The following ARHGAP29 variants were observed in gnomAD, a reference collection of about 807,000 sequenced individuals.
The protein encoded by ARHGAP29 is rho GTPase-activating protein 29.
ARHGAP29 carries 43 observed loss-of-function variants against 122.6 expected under a neutral mutation model. That is an observed-to-expected ratio of 0.35 (90% CI 0.27 to 0.45). The LOEUF is 0.45. Among genes scored for constraint, ARHGAP29 ranks in the 20% least tolerant of loss-of-function variants. The pLI is 1.00. For missense variants in ARHGAP29, 1,303 were observed against 1,477.2 expected (o/e 0.88, Z 1.93); for synonymous variants, 506 against 497.1 (o/e 1.02, Z -0.24).
At chr1:94,250,331 T>G (rs1234552308) in intron 1 of ARHGAP29, 1 of 152,234 alleles carries the variant, frequency 6.6e-6, no homozygotes, top group East Asian at 1.9e-4. Flanking sequence ...TGCCAGACAT[T>G]GTTCTGAGCA....
At chr1:94,293,736 G>T in the ARHGAP29 span, among the ~76,000 whole-genome samples, 1 of 152,026 alleles carries the variant, frequency 6.6e-6, no homozygotes, top group Admixed American at 6.6e-5. Flanking sequence ...TGCAGGAAAG[G>T]GTGCACAACT....
At chr1:94,181,556 A>G (rs1277983893) in intron 19 of ARHGAP29, among the ~76,000 whole-genome samples, 1 of 152,132 alleles carries the variant, frequency 6.6e-6, no homozygotes, top group African/African-American at 2.4e-5. Flanking sequence ...GTATCAAACT[A>G]CCCCAAGAAC....
chr1:94,279,946 C>T (rs879722033), upstream of ARHGAP29, among the ~76,000 whole-genome samples: 1 of 151,866 alleles, frequency 6.6e-6, no homozygotes, highest in Non-Finnish European at 1.5e-5. Context: ...TGCTAGTGCC[C>T]GCAAGTTGTT....
At chr1:94,225,701 A>G (rs1314844708) in intron 2 of ARHGAP29, among the ~76,000 whole-genome samples, 1 of 152,062 alleles carries the variant, frequency 6.6e-6, no homozygotes, top group Non-Finnish European at 1.5e-5. Context: ...TAATTTAGTC[A>G]TATAACTAAA....
At chr1:94,226,260 C>T (rs1396489251) in intron 2 of ARHGAP29, among the ~76,000 whole-genome samples, 1 of 151,800 alleles carries the variant, frequency 6.6e-6, no homozygotes, top group Non-Finnish European at 1.5e-5. Context: ...AAAAGTGAAG[C>T]CTGAGAAACA....
At chr1:94,221,614 C>T (rs888693289) in intron 2 of ARHGAP29, among the ~76,000 whole-genome samples, 6 of 150,106 alleles carry the variant, frequency 4.0e-5, no homozygotes, top group Non-Finnish European at 8.9e-5. Flanking sequence ...TGTGTATATA[C>T]TTAAATATAT....
At chr1:94,314,262 TC>T in the ARHGAP29 span, among the ~76,000 whole-genome samples, 1 of 152,330 alleles carries the variant, frequency 6.6e-6, no homozygotes, top group African/African-American at 2.4e-5. Context: ...AGAATGAACT[TC>T]CAGGGAGTCA....
At chr1:94,255,309 A>G (rs766958010) in intron 1 of ARHGAP29, among the ~76,000 whole-genome samples, 1 of 152,210 alleles carries the variant, frequency 6.6e-6, no homozygotes, top group Non-Finnish European at 1.5e-5. Context: ...GAGAGTCCTC[A>G]AAAGAAACCA....
At chr1:94,262,727 T>G (rs2100717755) in intron 1 of ARHGAP29, among the ~76,000 whole-genome samples, 1 of 152,256 alleles carries the variant, frequency 6.6e-6, no homozygotes, top group South Asian at 2.1e-4. Context: ...TCAGAATGGC[T>G]ATTACTAAAA....
chr1:94,313,595 A>G, the ARHGAP29 span, among the ~76,000 whole-genome samples: 4 of 152,190 alleles, frequency 2.6e-5, no homozygotes, highest in African/African-American at 9.7e-5. Flanking sequence ...AGAACTAGAA[A>G]TACCATTTGA....
rs147752270 is a variant in ARHGAP29, at chr1:94,178,025, C to T, written c.2623G>A (p.Val875Ile). 1,540 of 1,614,130 alleles carry T rather than the reference C, an allele frequency of 9.5e-4. 3 individuals are homozygous for T. Among genetic ancestry groups the T allele is most frequent in the Non-Finnish European group, 1.1e-3 (1,340 of 1,180,016 alleles). Reference sequence around the variant, plus strand: ...TGTGAGTAAGTAATGAGAAACTCTACCAAGCGTGCTTGATTTGAATACTCT... The same window carrying T: ...TGTGAGTAAGTAATGAGAAACTCTATCAAGCGTGCTTGATTTGAATACTCT... ...LAEYSNQARL[V>I]EFLITYSQKI... The change falls in exon 21 of 23, where the codon GTA (valine) becomes ATA (isoleucine). Residue 875 changes from valine to isoleucine, a missense_variant. Around this residue, in one of 3 missense-constraint regions of ARHGAP29, gnomAD observed 620 missense variants for 651.2 expected, o/e 0.95. Transcript: ENST00000260526.
chr1:94,198,468 C>T (rs1650606335), intron 12 of ARHGAP29, among the ~76,000 whole-genome samples: 1 of 151,922 alleles, frequency 6.6e-6, no homozygotes, highest in African/African-American at 2.4e-5. Context: ...AAAACCCTGT[C>T]TCAAAAAACA....
At chr1:94,202,180 T>C (rs903930522) in intron 11 of ARHGAP29, 1 of 463,034 alleles carries the variant, frequency 2.2e-6, no homozygotes, top group Non-Finnish European at 3.7e-6. Flanking sequence ...TACAAAGCTT[T>C]TGCCTATCCT....
At chr1:94,268,561 A>G (rs899428309) in intron 1 of ARHGAP29, among the ~76,000 whole-genome samples, 1 of 152,106 alleles carries the variant, frequency 6.6e-6, no homozygotes, top group East Asian at 1.9e-4. Flanking sequence ...GTTTCTCTTC[A>G]TTAATACTTT....
At chr1:94,300,344 T>C in the ARHGAP29 span, among the ~76,000 whole-genome samples, 1 of 152,226 alleles carries the variant, frequency 6.6e-6, no homozygotes, top group South Asian at 2.1e-4. Flanking sequence ...GAGCCCTAAG[T>C]AGCTCCACTT....
the ARHGAP29 span, among the ~76,000 whole-genome samples, chr1:94,282,297 T>TTATTTATA: frequency 8.5e-5 from 12 of 140,846 alleles, no homozygotes; most frequent in African/African-American, 3.2e-4. Flanking sequence ...ATTTATTTAT[T>TTATTTATA]TATTTTTGAG....
chr1:94,174,030 G>A lies in ARHGAP29; in HGVS notation c.3625C>T (p.Pro1209Ser), dbSNP rs769738640. 1 of 1,614,176 alleles carries A rather than the reference G, an allele frequency of 6.2e-7. No homozygotes were observed. Among genetic ancestry groups the A allele is most frequent in the Non-Finnish European group, 8.5e-7 (1 of 1,180,032 alleles). Reference protein sequence around the residue: ...HGLVVKSMPDPDKASACPGQA... With the variant: ...HGLVVKSMPDSDKASACPGQA... ...CCAGGACAAGCTGATGCTTTGTCTGGGTCTGGCATTGACTTCACCACGAGA... is the reference window on the plus strand; with the variant it reads ...CCAGGACAAGCTGATGCTTTGTCTGAGTCTGGCATTGACTTCACCACGAGA... Residue 1209 changes from proline to serine, a missense_variant, in exon 23 of 23, where the codon CCA becomes TCA. Pro to Ser is a moderately conservative substitution (Grantham distance 74). Coordinates refer to ENST00000260526, the MANE Select transcript of ARHGAP29 (RefSeq NM_004815.4).
chr1:94,281,995 C>T, the ARHGAP29 span, among the ~76,000 whole-genome samples: 1 of 152,070 alleles, frequency 6.6e-6, no homozygotes, highest in Non-Finnish European at 1.5e-5. Flanking sequence ...GCCCTTTTAC[C>T]AAGGGCAGAG....
chr1:94,286,043 T>C, the ARHGAP29 span, among the ~76,000 whole-genome samples: 1 of 152,130 alleles, frequency 6.6e-6, no homozygotes, highest in Non-Finnish European at 1.5e-5. Flanking sequence ...AATAAAATAT[T>C]ATGTACTGAG....
Sources: allele counts gnomAD v4.1 joint callset (sites outside exome capture counted in the v4.1 genomes callset), GRCh38; gene constraint gnomAD v4.1.1; regional missense constraint gnomAD v4.1.1; transcripts MANE v1.5; gene names NCBI Gene and HGNC (gene_info 2026-07-23, HGNC 2026-07-21).